The following PDE4D variants were observed in gnomAD, a reference collection of about 807,000 sequenced individuals.
PDE4D encodes phosphodiesterase 4D.
PDE4D carries 24 observed loss-of-function variants against 87.4 expected under a neutral mutation model. The observed-to-expected ratio is 0.27, with a 90% CI of 0.20 to 0.39. The LOEUF (loss-of-function observed/expected upper bound fraction) is 0.39, where lower values mean the gene tolerates loss of function less well. Among genes scored for constraint, PDE4D ranks in the 10% least tolerant of loss-of-function variants. The pLI is 1.00. For synonymous variants in PDE4D, 384 were observed against 383.2 expected (o/e 1.00, Z -0.02); for missense variants, 714 against 1,041.0 (o/e 0.69, Z 4.32).
chr5:60,501,872 G>A (rs1334558315), intron 1 of PDE4D, among the ~76,000 whole-genome samples: 3 of 151,914 alleles, frequency 2.0e-5, no homozygotes, highest in Non-Finnish European at 4.4e-5. Context: ...TTGTAAATTT[G>A]TTCGAGTTCA....
chr5:59,158,473 C>T (rs1780562901), intron 5 of PDE4D, among the ~76,000 whole-genome samples: 1 of 152,162 alleles, frequency 6.6e-6, no homozygotes, highest in African/African-American at 2.4e-5. Context: ...ATAGGAGTGC[C>T]AGAATTTTCT....
intron 1 of PDE4D, among the ~76,000 whole-genome samples, chr5:59,409,506 C>T (rs1792291887): frequency 6.6e-6 from 1 of 152,042 alleles, no homozygotes; most frequent in South Asian, 2.1e-4. Flanking sequence ...TGGGCAGATC[C>T]CTTATGGCTT....
intron 1 of PDE4D, among the ~76,000 whole-genome samples, chr5:59,553,172 T>A (rs1200767615): frequency 6.6e-6 from 1 of 152,116 alleles, no homozygotes; most frequent in African/African-American, 2.4e-5. Flanking sequence ...ATCAGGATTG[T>A]CTCTCTCCCT....
chr5:59,333,323 C>G (rs767549784), intron 1 of PDE4D, among the ~76,000 whole-genome samples: 17 of 151,926 alleles, frequency 1.1e-4, no homozygotes, highest in Admixed American at 5.2e-4. Context: ...TTGTTATTAA[C>G]TATTTTCTGG....
At chr5:58,996,459 T>C (rs1749250405) in intron 6 of PDE4D, among the ~76,000 whole-genome samples, 1 of 152,198 alleles carries the variant, frequency 6.6e-6, no homozygotes, top group Non-Finnish European at 1.5e-5. Flanking sequence ...AAGAACTACC[T>C]GGTCATGACA....
At chr5:59,198,207 C>G (rs962552034) in intron 2 of PDE4D, among the ~76,000 whole-genome samples, 3 of 152,052 alleles carry the variant, frequency 2.0e-5, no homozygotes, top group Non-Finnish European at 4.4e-5. Flanking sequence ...AAGGAAAATA[C>G]AGCTCTTTTA....
At chr5:58,996,812 C>G (rs572987932) in intron 6 of PDE4D, among the ~76,000 whole-genome samples, 1 of 152,076 alleles carries the variant, frequency 6.6e-6, no homozygotes, top group Non-Finnish European at 1.5e-5. Context: ...CCAAAATAGC[C>G]AGTTAGTACA....
chr5:59,848,644 T>C (rs1420771608), intron 1 of PDE4D, among the ~76,000 whole-genome samples: 1 of 151,978 alleles, frequency 6.6e-6, no homozygotes, highest in Non-Finnish European at 1.5e-5. Flanking sequence ...AATAACGGTA[T>C]TAAGAGTGAG....
intron 2 of PDE4D, among the ~76,000 whole-genome samples, chr5:60,028,022 C>T (rs1766820597): frequency 6.6e-6 from 1 of 152,168 alleles, no homozygotes; most frequent in South Asian, 2.1e-4. Context: ...CATTCACCTC[C>T]AAACAGAGGA....
chr5:59,928,586 G>T (rs914875111), intron 3 of PDE4D, among the ~76,000 whole-genome samples: 2 of 151,792 alleles, frequency 1.3e-5, no homozygotes, highest in African/African-American at 4.8e-5. Context: ...TCAAAAAAAA[G>T]AAAAAGAAAA....
chr5:59,366,303 G>C (rs955724350), intron 1 of PDE4D, among the ~76,000 whole-genome samples: 2 of 152,114 alleles, frequency 1.3e-5, no homozygotes, highest in Non-Finnish European at 2.9e-5. Flanking sequence ...GTACAGGAAA[G>C]ACAATTTGTT....
intron 1 of PDE4D, among the ~76,000 whole-genome samples, chr5:59,862,465 G>A (rs1746424431): frequency 6.6e-6 from 1 of 152,128 alleles, no homozygotes; most frequent in African/African-American, 2.4e-5. Flanking sequence ...TCACACACAG[G>A]CATGTGAAGG....
chr5:59,244,696 G>C (rs1010439957), intron 1 of PDE4D, among the ~76,000 whole-genome samples: 1 of 146,010 alleles, frequency 6.8e-6, no homozygotes, highest in African/African-American at 2.5e-5. Context: ...GTGTGTGTGT[G>C]TGTGTGTGTG....
chr5:59,277,538 A>G (rs1765055490), intron 1 of PDE4D, among the ~76,000 whole-genome samples: 1 of 152,168 alleles, frequency 6.6e-6, no homozygotes, highest in Admixed American at 6.6e-5. Context: ...TAAATGTGGG[A>G]AAAGAAAGAA....
intron 3 of PDE4D, among the ~76,000 whole-genome samples, chr5:59,953,735 A>G (rs1758540140): frequency 6.6e-6 from 1 of 152,244 alleles, no homozygotes; most frequent in Non-Finnish European, 1.5e-5. Context: ...ATTCATTTGT[A>G]TAAATATGAC....
intron 5 of PDE4D, among the ~76,000 whole-genome samples, chr5:59,108,955 A>ATGTGTGTGTGTGTGTGTGTG (rs57004711): frequency 8.2e-6 from 1 of 121,872 alleles, no homozygotes; most frequent in Non-Finnish European, 1.7e-5. Context: ...TAGGAACTCA[A>ATGTGTGTGTGTGTGTGTGTG]TGTGTGTGTG....
chr5:60,510,780 G>A (rs1293941516), intron 1 of PDE4D, among the ~76,000 whole-genome samples: 1 of 152,166 alleles, frequency 6.6e-6, no homozygotes, highest in African/African-American at 2.4e-5. Flanking sequence ...ATGGATTGGA[G>A]AGACAATAAA....
At chr5:59,722,602 T>C (rs1026709024) in intron 1 of PDE4D, among the ~76,000 whole-genome samples, 3 of 152,256 alleles carry the variant, frequency 2.0e-5, no homozygotes, top group East Asian at 1.9e-4. Context: ...CTGGTTATTA[T>C]CTATAAGAAA....
At chr5:59,017,275 T>C (rs772882490) in intron 6 of PDE4D, among the ~76,000 whole-genome samples, 1 of 152,162 alleles carries the variant, frequency 6.6e-6, no homozygotes, top group Admixed American at 6.6e-5. Context: ...GGATAGTTTG[T>C]AAAAGTGCTT....
Sources: gnomAD v4.1 joint callset for allele counts (sites outside exome capture counted in the v4.1 genomes callset) on GRCh38, gnomAD v4.1.1 for gene constraint, MANE v1.5 for transcripts, NCBI Gene and HGNC (gene_info 2026-07-23, HGNC 2026-07-21) for gene names.